Variants in RWDD1 observed in about 807,000 individuals in gnomAD.
RWDD1 encodes RWD domain containing 1, also known as RWD domain-containing protein 1.
In RWDD1, 17 loss-of-function variants were observed where a neutral mutation model predicts 31.6. That is an observed-to-expected ratio of 0.54 (90% CI 0.37 to 0.81). The LOEUF (loss-of-function observed/expected upper bound fraction) is 0.81. Among genes scored for constraint, RWDD1 ranks in the 30% least tolerant of loss-of-function variants. RWDD1 has a pLI of 0.00. For missense variants in RWDD1, 204 were observed against 274.5 expected (o/e 0.74, Z 1.82); for synonymous variants, 78 against 94.2 (o/e 0.83, Z 0.99).
chr6:116,573,106 T>A, intron 1 of RWDD1: 1 of 597,154 alleles, frequency 1.7e-6, no homozygotes, highest in Middle Eastern at 8.4e-4. Context: ...TCCAGTACTT[T>A]GGAAACATAC....
intron 2 of RWDD1, among the ~76,000 whole-genome samples, chr6:116,582,325 A>G (rs986740343): frequency 6.6e-6 from 1 of 151,748 alleles, no homozygotes; most frequent in East Asian, 1.9e-4. Flanking sequence ...GTGAAAATCA[A>G]TTTGCAATTA....
intron 1 of RWDD1, among the ~76,000 whole-genome samples, chr6:116,577,223 G>A (rs1056461123): frequency 6.6e-6 from 1 of 152,198 alleles, no homozygotes; most frequent in South Asian, 2.1e-4. Flanking sequence ...ACAAGAGACA[G>A]TGGGCAGGAT....
At chr6:116,589,835 CTA>C (rs1775106466) in intron 4 of RWDD1, among the ~76,000 whole-genome samples, 2 of 152,254 alleles carry the variant, frequency 1.3e-5, no homozygotes, top group South Asian at 4.1e-4. Flanking sequence ...GATTTATTCA[CTA>C]TCATGAGAAT....
At chr6:116,582,400 C>T (rs979980773) in intron 2 of RWDD1, among the ~76,000 whole-genome samples, 1 of 151,872 alleles carries the variant, frequency 6.6e-6, no homozygotes, top group African/African-American at 2.4e-5. Flanking sequence ...CAGTATAAAG[C>T]TCTATTCATA....
intron 1 of RWDD1, among the ~76,000 whole-genome samples, chr6:116,579,172 G>A (rs760570319): frequency 1.3e-5 from 2 of 152,168 alleles, no homozygotes; most frequent in Admixed American, 6.5e-5. Context: ...CACTGTGCCC[G>A]GCCAGAAAAT....
At chr6:116,589,049 G>T (rs1775092555) in intron 4 of RWDD1, 64 bp downstream of exon 4, 2 of 1,143,280 alleles carry the variant, frequency 1.7e-6, no homozygotes, top group African/African-American at 1.6e-5. Context: ...GCTTGGTTGG[G>T]TTTTTTTTTA....
intron 2 of RWDD1, among the ~76,000 whole-genome samples, chr6:116,582,793 C>T (rs767912634): frequency 7.9e-5 from 12 of 151,844 alleles, no homozygotes; most frequent in Non-Finnish European, 1.6e-4. Context: ...GCTGATTTTA[C>T]ACCCAGTTTT....
chr6:116,585,122 C>T lies in RWDD1; in HGVS notation c.270+265C>T, dbSNP rs180868032. ...ATGTCATTAGTGATAAAAAGTCCAA[C>T]GGGTACTTTAAGTTGTAAACAGTGT... On this transcript the variant is annotated intron_variant, in intron 3 of 6. Transcript: ENST00000466444. Among the ~76,000 whole-genome samples, 508 of 152,198 alleles carry T rather than the reference C, an allele frequency of 3.3e-3. 13 individuals are homozygous for T. Among genetic ancestry groups the T allele is most frequent in the Admixed American group, 0.024 (368 of 15,270 alleles).
chr6:116,589,761 G>A (rs746997244), intron 4 of RWDD1, among the ~76,000 whole-genome samples: 3 of 152,032 alleles, frequency 2.0e-5, no homozygotes, highest in South Asian at 2.1e-4. Context: ...ACATGGCAGC[G>A]GCAAGAGAAA....
At chr6:116,581,693 A>G (rs1774949534) in intron 2 of RWDD1, among the ~76,000 whole-genome samples, 1 of 152,062 alleles carries the variant, frequency 6.6e-6, no homozygotes, top group African/African-American at 2.4e-5. Context: ...AAAATAATAT[A>G]TCCAGCAAAT....
chr6:116,578,586 A>G (rs895770623), intron 1 of RWDD1, among the ~76,000 whole-genome samples: 5 of 152,188 alleles, frequency 3.3e-5, no homozygotes, highest in Admixed American at 3.3e-4. Flanking sequence ...CATGACTTGT[A>G]AATGTTAAAG....
chr6:116,585,649 ATAATGT>A (rs1775025714), intron 3 of RWDD1, among the ~76,000 whole-genome samples: 1 of 152,224 alleles, frequency 6.6e-6, no homozygotes, highest in Non-Finnish European at 1.5e-5. Context: ...AGTGGTCACC[ATAATGT>A]TGATGTTATA....
intron 2 of RWDD1, among the ~76,000 whole-genome samples, chr6:116,583,047 A>G (rs1291191517): frequency 1.3e-5 from 2 of 150,776 alleles, no homozygotes; most frequent in Non-Finnish European, 1.5e-5. Context: ...GTGCTATCTT[A>G]GCTCACTGCA....
At chr6:116,592,827 A>G (rs1409093884) in intron 6 of RWDD1, among the ~76,000 whole-genome samples, 153 bp from the exon 7 acceptor site, 1 of 152,184 alleles carries the variant, frequency 6.6e-6, no homozygotes, top group Non-Finnish European at 1.5e-5. Flanking sequence ...ACCAATGCAA[A>G]TCACTGTTGA....
intron 5 of RWDD1, 50 bp from the exon 6 acceptor site, chr6:116,590,838 G>A (rs768895977): frequency 1.3e-6 from 2 of 1,530,790 alleles, no homozygotes; most frequent in South Asian, 2.6e-5. Context: ...TAGTGAAAAT[G>A]GAGAAAAACT....
At chr6:116,584,310 T>C (rs1775000953) in intron 2 of RWDD1, among the ~76,000 whole-genome samples, 2 of 152,224 alleles carry the variant, frequency 1.3e-5, no homozygotes, top group African/African-American at 2.4e-5. Context: ...GATTCAAATA[T>C]AGATTCGAGG....
intron 1 of RWDD1, among the ~76,000 whole-genome samples, chr6:116,573,726 G>C (rs1390673193): frequency 6.6e-6 from 1 of 152,164 alleles, no homozygotes; most frequent in Non-Finnish European, 1.5e-5. Context: ...GGTTGGCCAA[G>C]GAACACTAAA....
intron 3 of RWDD1, among the ~76,000 whole-genome samples, chr6:116,586,563 T>A (rs1042478637): frequency 6.6e-6 from 1 of 152,206 alleles, no homozygotes; most frequent in Non-Finnish European, 1.5e-5. Flanking sequence ...TACAGTTGTC[T>A]TTCATTTTTG....
chr6:116,592,902 G>C (rs1775170655), intron 6 of RWDD1, 78 bp from the exon 7 acceptor site: 1 of 1,481,400 alleles, frequency 6.8e-7, no homozygotes, highest in South Asian at 1.3e-5. Flanking sequence ...CTGTTTGGTA[G>C]TGCCAATGAG....
Sources: gnomAD v4.1 joint callset for allele counts (sites outside exome capture counted in the v4.1 genomes callset) on GRCh38, gnomAD v4.1.1 for gene constraint, MANE v1.5 for transcripts, NCBI Gene and HGNC (gene_info 2026-07-23, HGNC 2026-07-21) for gene names.